Variants in CDH7 observed in about 807,000 individuals in gnomAD.
CDH7 encodes cadherin-7.
Under a neutral mutation model 71.8 loss-of-function variants are expected in CDH7, and 25 were observed. That is an observed-to-expected ratio of 0.35 (90% CI 0.25 to 0.49). The LOEUF is 0.49. CDH7 is among the 20% of genes least tolerant of loss of function. The pLI is 0.99. For missense variants in CDH7, 862 were observed against 974.6 expected (o/e 0.88, Z 1.54); for synonymous variants, 381 against 363.8 (o/e 1.05, Z -0.54).
intron 4 of CDH7, among the ~76,000 whole-genome samples, chr18:65,821,178 C>T (rs1484624163): frequency 6.6e-6 from 1 of 151,376 alleles, no homozygotes; most frequent in Non-Finnish European, 1.5e-5. Context: ...TGTCCCAGAA[C>T]TCTCACACAA....
At chr18:65,771,074 G>A (rs1916528951) in intron 2 of CDH7, among the ~76,000 whole-genome samples, 1 of 152,040 alleles carries the variant, frequency 6.6e-6, no homozygotes, top group African/African-American at 2.4e-5. Flanking sequence ...CTCTTTTAAT[G>A]AGGCTATCAG....
intron 7 of CDH7, among the ~76,000 whole-genome samples, chr18:65,849,956 G>T (rs1328490302): frequency 6.6e-6 from 1 of 151,698 alleles, no homozygotes; most frequent in African/African-American, 2.4e-5. Flanking sequence ...TTTAGGCCAG[G>T]AATTCGAGAC....
At chr18:65,819,735 GA>G (rs2143930795) in intron 4 of CDH7, among the ~76,000 whole-genome samples, 1 of 152,056 alleles carries the variant, frequency 6.6e-6, no homozygotes, top group South Asian at 2.1e-4. Flanking sequence ...GCAATATTGA[GA>G]TTCCCCTTGG....
intron 2 of CDH7, among the ~76,000 whole-genome samples, chr18:65,787,609 A>G (rs1910562768): frequency 6.6e-6 from 1 of 152,210 alleles, no homozygotes; most frequent in Non-Finnish European, 1.5e-5. Context: ...AATTCTACAC[A>G]AGGAAAGACT....
intron 2 of CDH7, among the ~76,000 whole-genome samples, chr18:65,789,694 T>C (rs1271721498): frequency 6.6e-6 from 1 of 151,994 alleles, no homozygotes; most frequent in Non-Finnish European, 1.5e-5. Flanking sequence ...AAATAACAAT[T>C]ATTTGGAAAG....
intron 7 of CDH7, among the ~76,000 whole-genome samples, chr18:65,857,375 A>G (rs1452593045): frequency 1.3e-5 from 2 of 149,898 alleles, no homozygotes. Flanking sequence ...ATAGCCAAAT[A>G]TGGTGGTGCA....
At chr18:65,853,006 G>A (rs984718984) in intron 7 of CDH7, among the ~76,000 whole-genome samples, 1 of 152,090 alleles carries the variant, frequency 6.6e-6, no homozygotes, top group South Asian at 2.1e-4. Flanking sequence ...AAAATTTCAG[G>A]AACTAGTTTT....
intron 6 of CDH7, among the ~76,000 whole-genome samples, chr18:65,841,205 T>C (rs984953877): frequency 1.3e-5 from 2 of 152,304 alleles, no homozygotes; most frequent in Middle Eastern, 3.4e-3. Context: ...TCATGCATAA[T>C]AGTGTGTTTT....
rs532086613 is a variant in CDH7 at position 65,843,341 on chromosome 18, A to T, written c.982-471A>T. ...GGATGGCACACTTGCCCCTGAAGCC[A>T]CACTTTGAGTGCCCTGAAAGCTCAG... is the stretch of plus-strand genomic sequence containing the variant. On this transcript the variant is annotated intron_variant, in intron 6 of 11. Transcript: ENST00000397968. Among the ~76,000 whole-genome samples, 84 of 152,248 alleles carry T rather than the reference A, an allele frequency of 5.5e-4. 2 individuals are homozygous for T. The South Asian group carries it at 0.017, about 31-fold the overall frequency.
Position 65,886,100 on chromosome 18 carries a change from G to A in CDH7, c.*5206G>A, listed in dbSNP as rs1399129664. 1 of 152,144 alleles carries A rather than the reference G, an allele frequency of 6.6e-6. No homozygotes were observed. Among genetic ancestry groups the A allele is most frequent in the Non-Finnish European group, 1.5e-5 (1 of 68,020 alleles). The allele number at this position is 152,144 out of a possible 1,614,324, so 9.4% of individuals were successfully genotyped here. On this transcript the variant is annotated 3_prime_UTR_variant, in exon 12 of 12. Coordinates refer to ENST00000397968, the MANE Select transcript of CDH7 (RefSeq NM_004361.5). ...TTCGCCACATTTTTGCTGTGCCCTA[G>A]ATGCCATTTTCATTCTCTGAACTTT...
At chr18:65,760,167 T>C (rs949529740) in intron 1 of CDH7, among the ~76,000 whole-genome samples, 5 of 152,206 alleles carry the variant, frequency 3.3e-5, no homozygotes, top group African/African-American at 1.2e-4. Flanking sequence ...TAAAAATACA[T>C]TTTTGATTGC....
intron 2 of CDH7, among the ~76,000 whole-genome samples, chr18:65,788,003 T>C (rs1568185551): frequency 6.6e-6 from 1 of 152,168 alleles, no homozygotes; most frequent in Non-Finnish European, 1.5e-5. Context: ...TGAAATCATG[T>C]CTTAAAATAT....
At chr18:65,803,888 T>C (rs1454438951) in intron 2 of CDH7, 1 of 151,828 alleles carries the variant, frequency 6.6e-6, no homozygotes, top group African/African-American at 2.4e-5. Flanking sequence ...ACACACTTTT[T>C]ACTTTGCCAT....
At chr18:65,759,917 G>T (rs1916144393) in intron 1 of CDH7, among the ~76,000 whole-genome samples, 1 of 152,214 alleles carries the variant, frequency 6.6e-6, no homozygotes, top group South Asian at 2.1e-4. Context: ...AAGAAATAAA[G>T]AATTATACAT....
At chr18:65,798,677 G>A (rs1315119024) in intron 2 of CDH7, among the ~76,000 whole-genome samples, 1 of 152,158 alleles carries the variant, frequency 6.6e-6, no homozygotes, top group East Asian at 1.9e-4. Flanking sequence ...AGTAGGGAAG[G>A]GTCTTCATAG....
rs373001583 is a variant in CDH7, at chr18:65,798,243, CAGATATCT to C, written c.211-11459_211-11452del. Among the ~76,000 whole-genome samples, 21 of 152,164 alleles carry C rather than the reference CAGATATCT, an allele frequency of 1.4e-4. 1 individual carries two copies. The highest frequency in any genetic ancestry group is 4.8e-4 in the African/African-American group (20 of 41,574). ...AGAGCATGGAAAAATAAGAGTATGT[CAGATATCT>C]ACTGAAAGAAACGAGTGACACACTG... is the stretch of plus-strand genomic sequence containing the variant. On this transcript the variant is annotated intron_variant, in intron 2 of 11. Transcript: ENST00000397968.
At chr18:65,848,180 A>T (rs899812301) in intron 7 of CDH7, among the ~76,000 whole-genome samples, 1 of 152,128 alleles carries the variant, frequency 6.6e-6, no homozygotes, top group Non-Finnish European at 1.5e-5. Flanking sequence ...TGTGTTTCTC[A>T]TCCAAGATGG....
At chr18:65,798,212 C>T (rs993074334) in intron 2 of CDH7, among the ~76,000 whole-genome samples, 4 of 151,508 alleles carry the variant, frequency 2.6e-5, no homozygotes, top group African/African-American at 9.8e-5. Flanking sequence ...TAAATCAAAG[C>T]ATTTGAGAGC....
At position 65,789,945 on chromosome 18, in the gene CDH7, G is replaced by C. The variant is rs1487303213; in HGVS notation, c.211-19759G>C. Among the ~76,000 whole-genome samples, 5 of 152,002 alleles carry C rather than the reference G, an allele frequency of 3.3e-5. 1 individual carries two copies. The highest frequency in any genetic ancestry group is 2.6e-4 in the Admixed American group (4 of 15,264). ...CATGTTAAATTTGAAGTTGCCTGAG[G>C]GAGGCTGGGCGCGGTGGCTCACACC... On this transcript the variant is annotated intron_variant, in intron 2 of 11. Transcript: ENST00000397968.
Sources: allele counts gnomAD v4.1 joint callset (sites outside exome capture counted in the v4.1 genomes callset), GRCh38; gene constraint gnomAD v4.1.1; transcripts MANE v1.5; gene names NCBI Gene and HGNC (gene_info 2026-07-23, HGNC 2026-07-21).